GRIK3: variants seen among roughly 807,000 people sequenced by gnomAD.
GRIK3 encodes the protein glutamate ionotropic receptor kainate type subunit 3, also known as glutamate receptor ionotropic, kainate 3.
In GRIK3, 29 loss-of-function variants were observed where a neutral mutation model predicts 102.5. The ratio of observed to expected loss-of-function variants is 0.28; its 90% CI spans 0.21 to 0.39. The LOEUF (loss-of-function observed/expected upper bound fraction) is 0.39. Among genes scored for constraint, GRIK3 ranks in the 10% least tolerant of loss-of-function variants. GRIK3 has a pLI of 1.00. For synonymous variants in GRIK3, 511 were observed against 504.9 expected (o/e 1.01, Z -0.16); for missense variants, 908 against 1,252.4 (o/e 0.73, Z 4.15).
At chr1:36,954,611 C>A (rs1464247718) in intron 1 of GRIK3, among the ~76,000 whole-genome samples, 1 of 152,192 alleles carries the variant, frequency 6.6e-6, no homozygotes, top group Non-Finnish European at 1.5e-5. Flanking sequence ...TAGCACATGT[C>A]TGTGTTCCAA....
intron 8 of GRIK3, 63 bp downstream of exon 8, chr1:36,853,552 G>T: frequency 9.3e-7 from 1 of 1,079,402 alleles, no homozygotes; most frequent in Non-Finnish European, 1.4e-6. Context: ...ACTGAGGTCT[G>T]CCCTAGGAGA....
chr1:36,920,252 T>C (rs1488367822), intron 1 of GRIK3, among the ~76,000 whole-genome samples: 1 of 152,182 alleles, frequency 6.6e-6, no homozygotes, highest in Non-Finnish European at 1.5e-5. Flanking sequence ...TTGTGCCAGC[T>C]CAGAAACTAA....
chr1:36,936,939 T>C (rs527442), intron 1 of GRIK3, among the ~76,000 whole-genome samples: 1 of 152,052 alleles, frequency 6.6e-6, no homozygotes, highest in South Asian at 2.1e-4. Context: ...GGGAGCTGGA[T>C]ACAACAACAG....
chr1:36,940,067 C>G (rs1013310135), intron 1 of GRIK3, among the ~76,000 whole-genome samples: 3 of 152,202 alleles, frequency 2.0e-5, no homozygotes, highest in Non-Finnish European at 2.9e-5. Context: ...ACTTCCATGA[C>G]AGGTGGGAAC....
intron 1 of GRIK3, among the ~76,000 whole-genome samples, chr1:37,030,548 T>TCCC (rs942714510): frequency 5.1e-5 from 3 of 59,086 alleles, no homozygotes; most frequent in African/African-American, 1.2e-4. Context: ...CCCCACCCCC[T>TCCC]CCCCCCCCCC....
At chr1:36,914,693 A>C (rs1641380215) in intron 1 of GRIK3, among the ~76,000 whole-genome samples, 2 of 152,342 alleles carry the variant, frequency 1.3e-5, no homozygotes, top group South Asian at 4.1e-4. Context: ...AAGAAAGTAC[A>C]ACGGTGAAAC....
At chr1:36,860,702 G>A (rs1295225259) in intron 5 of GRIK3, among the ~76,000 whole-genome samples, 5 of 152,180 alleles carry the variant, frequency 3.3e-5, no homozygotes, top group Non-Finnish European at 7.3e-5. Flanking sequence ...GGCTGGTGAA[G>A]GAAGGAGGCA....
intron 1 of GRIK3, among the ~76,000 whole-genome samples, chr1:37,014,787 T>G (rs1034274565): frequency 3.3e-5 from 5 of 152,210 alleles, no homozygotes; most frequent in African/African-American, 1.2e-4. Context: ...CACTGGGCAT[T>G]TGAGGACTTG....
At chr1:36,899,579 G>A (rs1048120477) in intron 1 of GRIK3, among the ~76,000 whole-genome samples, 2 of 152,206 alleles carry the variant, frequency 1.3e-5, no homozygotes, top group Middle Eastern at 6.8e-3. Context: ...AGTTTTACAA[G>A]ATGAAAAGAG....
intron 1 of GRIK3, among the ~76,000 whole-genome samples, chr1:36,916,335 C>T (rs1557724090): frequency 6.6e-6 from 1 of 152,148 alleles, no homozygotes; most frequent in Non-Finnish European, 1.5e-5. Context: ...GGAAAATTTG[C>T]AGCCTGACAA....
At chr1:36,915,470 A>G (rs890167855) in intron 1 of GRIK3, among the ~76,000 whole-genome samples, 1 of 152,232 alleles carries the variant, frequency 6.6e-6, no homozygotes, top group African/African-American at 2.4e-5. Context: ...GCTAAACAGC[A>G]AAACTCCGGG....
chr1:36,821,722 G>T (rs1443075826), intron 11 of GRIK3, among the ~76,000 whole-genome samples: 5 of 152,232 alleles, frequency 3.3e-5, no homozygotes, highest in African/African-American at 1.2e-4. Context: ...TGGGGCACAG[G>T]CTGCTGGAGG....
chr1:36,978,468 C>T (rs765422522), intron 1 of GRIK3, among the ~76,000 whole-genome samples: 47 of 152,246 alleles, frequency 3.1e-4, no homozygotes, highest in Non-Finnish European at 3.7e-4. Flanking sequence ...TTAGCTACTG[C>T]TGCATAACAA....
At chr1:36,985,262 T>G (rs964686174) in intron 1 of GRIK3, among the ~76,000 whole-genome samples, 3 of 152,130 alleles carry the variant, frequency 2.0e-5, no homozygotes, top group African/African-American at 4.8e-5. Flanking sequence ...ACTTTGACCC[T>G]GCCTTGCCCC....
In GRIK3 at chr1:36,809,202, A is replaced by G. The variant is rs367548754; in HGVS notation, c.2092-2876T>C. Reference sequence around the variant, plus strand: ...CCACCCACCCATCCATCCACCCATCATCCATCCATCCATCCATCCAACCAC... The same window carrying G: ...CCACCCACCCATCCATCCACCCATCGTCCATCCATCCATCCATCCAACCAC... On this transcript the variant is annotated intron_variant, in intron 13 of 15. Coordinates refer to ENST00000373091, the MANE Select transcript of GRIK3 (RefSeq NM_000831.4). Among the ~76,000 whole-genome samples, 816 of 151,528 alleles carry G rather than the reference A, an allele frequency of 5.4e-3. 8 individuals carry two copies. The highest frequency in any genetic ancestry group is 0.017 in the African/African-American group (713 of 41,266).
Position 37,034,048 on chromosome 1 carries a change from C to T in GRIK3, c.61G>A (p.Val21Met). 2 of 1,606,668 alleles carry T rather than the reference C, an allele frequency of 1.2e-6. No homozygotes were observed. The highest frequency in any genetic ancestry group is 1.3e-5 in the African/African-American group (1 of 74,418). Residue 21 changes from valine (V) to methionine (M), a missense_variant, in exon 1 of 16, where the codon GTG becomes ATG. Coordinates refer to ENST00000373091, the MANE Select transcript of GRIK3 (RefSeq NM_000831.4). ...GAGTCCGGGATCCAGAAGGCGCACA[C>T]GAGGAGCCCGGCCCAGTATTCCCAA... Reference protein sequence around the residue: ...LVWEYWAGLLVCAFWIPDSRG... With the variant: ...LVWEYWAGLLMCAFWIPDSRG...
chr1:36,924,848 T>C (rs1641511120), intron 1 of GRIK3, among the ~76,000 whole-genome samples: 2 of 151,956 alleles, frequency 1.3e-5, no homozygotes, highest in Admixed American at 1.3e-4. Flanking sequence ...TGCCAACACA[T>C]GGATACAAAC....
chr1:36,949,036 T>C (rs529397), intron 1 of GRIK3, among the ~76,000 whole-genome samples: 10,774 of 151,976 alleles, frequency 0.071, 1,211 homozygotes, highest in African/African-American at 0.23. Flanking sequence ...CAGCACGCAG[T>C]CTATGGGGAG....
chr1:36,843,207 G>A (rs914639332), intron 9 of GRIK3, among the ~76,000 whole-genome samples: 4 of 152,144 alleles, frequency 2.6e-5, no homozygotes, highest in Admixed American at 6.5e-5. Context: ...TGTGGGCTCC[G>A]ATGCAGCAAG....
Sources: allele counts gnomAD v4.1 joint callset (sites outside exome capture counted in the v4.1 genomes callset), GRCh38; gene constraint gnomAD v4.1.1; transcripts MANE v1.5; gene names NCBI Gene and HGNC (gene_info 2026-07-23, HGNC 2026-07-21).